Variants in GEMIN5 observed in about 807,000 individuals in gnomAD.
GEMIN5 encodes the protein gem nuclear organelle associated protein 5, also known as gem-associated protein 5.
A neutral mutation model predicts 176.9 loss-of-function variants in GEMIN5; 124 were observed. The observed-to-expected ratio is 0.70, with a 90% CI of 0.61 to 0.81. GEMIN5 has a LOEUF of 0.81. GEMIN5 is among the 40% of genes least tolerant of loss of function. GEMIN5 has a pLI of 0.00. For missense variants in GEMIN5, 1,843 were observed against 1,814.6 expected, an observed-to-expected ratio of 1.02 and a Z score of -0.28; for synonymous variants, 673 against 665.2, an observed-to-expected ratio of 1.01 and a Z score of -0.18.
At chr5:154,904,305 T>C (rs1227700542) in intron 18 of GEMIN5, among the ~76,000 whole-genome samples, 2 of 152,132 alleles carry the variant, frequency 1.3e-5, no homozygotes, top group Admixed American at 6.5e-5. Context: ...GCCATGGCAG[T>C]GCTGACGGTG....
chr5:154,928,395 C>G lies in GEMIN5; in HGVS notation c.914+132G>C. Reference sequence around the variant, plus strand: ...GTTAGTAGATAGCACAGGCATTAGTCTCATAATTTTTCCATTTCAAATGGC... The same window carrying G: ...GTTAGTAGATAGCACAGGCATTAGTGTCATAATTTTTCCATTTCAAATGGC... On this transcript the variant is annotated intron_variant, in intron 6 of 27. Transcript: ENST00000285873. 4.0e-6 allele frequency: 3 copies of G among 755,402 alleles called. No individual in the cohort carries two copies. In the East Asian group the frequency reaches 7.3e-5, roughly 18 times the overall value. 46.8% of individuals were successfully genotyped at this position (755,402 alleles called of 1,614,324 possible).
At chr5:154,890,083 C>A (rs554875431) in intron 26 of GEMIN5, among the ~76,000 whole-genome samples, 2 of 152,340 alleles carry the variant, frequency 1.3e-5, no homozygotes, top group Non-Finnish European at 1.5e-5. Flanking sequence ...TACATTCCCA[C>A]CAATAGGCAC....
At chr5:154,921,572 T>C (rs562998842) in intron 9 of GEMIN5, 147 bp from the exon 10 acceptor site, 138 of 571,442 alleles carry the variant, frequency 2.4e-4, no homozygotes, top group African/African-American at 2.4e-3. Flanking sequence ...TTGCTCCAAA[T>C]AGTTGACTGT....
chr5:154,895,785 G>A (rs115094055), intron 24 of GEMIN5, among the ~76,000 whole-genome samples: 2,776 of 152,276 alleles, frequency 0.018, 61 homozygotes, highest in African/African-American at 0.062. Flanking sequence ...GCTCTTAGGA[G>A]TCTGAGGCGG....
At chr5:154,899,735 C>CT (rs757851584) in intron 21 of GEMIN5, among the ~76,000 whole-genome samples, 4 of 152,056 alleles carry the variant, frequency 2.6e-5, no homozygotes, top group Non-Finnish European at 4.4e-5. Context: ...GAAGAATGCC[C>CT]TTAATGAAGC....
Position 154,919,970 on chromosome 5 carries a change from G to C in GEMIN5, c.1596C>G (p.Ile532Met), listed in dbSNP as rs766330303. ...INKLIRDTNSIKYKLPVHTEI... is the reference protein window; with the variant it reads ...INKLIRDTNSMKYKLPVHTEI... ...CTTCAGGACCACAAGAACTCACTTT[G>C]ATTGAATTGGTGTCCCTGATGAGTT... The change falls in exon 11 of 28, where the codon ATC (isoleucine) becomes ATG (methionine). Residue 532 changes from isoleucine to methionine, a missense_variant. Ile to Met is a conservative substitution (Grantham distance 10). Transcript: ENST00000285873. 22 of 1,612,764 alleles carry C rather than the reference G, an allele frequency of 1.4e-5. No homozygotes were observed. Among genetic ancestry groups the C allele is most frequent in the Admixed American group, 1.2e-4 (7 of 59,794 alleles).
At chr5:154,927,999 A>G (rs984864757) in intron 6 of GEMIN5, among the ~76,000 whole-genome samples, 1 of 152,194 alleles carries the variant, frequency 6.6e-6, no homozygotes, top group African/African-American at 2.4e-5. Context: ...TCAAAAAAAA[A>G]AAAAAATTTA....
rs774410044 is a variant in GEMIN5, at chr5:154,928,561, T to C, written c.880A>G (p.Asn294Asp). 1.1e-5 allele frequency: 17 copies of C among 1,613,996 alleles called. No individual in the cohort carries two copies. Among genetic ancestry groups the C allele is most frequent in the Middle Eastern group, 3.3e-4 (2 of 6,084 alleles). Residue 294 changes from asparagine (N) to aspartate (D), a missense_variant, in exon 6 of 28, where the codon AAT becomes GAT. By Grantham distance (23) the Asn-to-Asp change is conservative. Transcript: ENST00000285873. The part of the protein sequence containing the change: ...RLWLTLHWPS[N>D]QPTQLVSSCF... ...CTAGATACCAGCTGTGTTGGTTGAT[T>C]GCTGGGCCAATGGAGTGTCAACCAA...
intron 16 of GEMIN5, among the ~76,000 whole-genome samples, chr5:154,906,780 T>C (rs1437583727): frequency 1.3e-5 from 2 of 152,224 alleles, no homozygotes; most frequent in African/African-American, 4.8e-5. Flanking sequence ...CTAACAGCTA[T>C]CCCTTGGGAT....
At chr5:154,936,837 C>T (rs1326667557) in intron 2 of GEMIN5, among the ~76,000 whole-genome samples, 188 bp downstream of exon 2, 1 of 152,218 alleles carries the variant, frequency 6.6e-6, no homozygotes, top group African/African-American at 2.4e-5. Flanking sequence ...AGCAGTTTGC[C>T]AACCTCTGGT....
At chr5:154,924,632 A>G (rs1178252683) in intron 8 of GEMIN5, 78 bp from the exon 9 acceptor site, 1 of 835,730 alleles carries the variant, frequency 1.2e-6, no homozygotes, top group Admixed American at 2.2e-5. Context: ...TTACCCTTTA[A>G]GCATCCAAAG....
intron 11 of GEMIN5, among the ~76,000 whole-genome samples, chr5:154,919,517 A>C (rs912102375): frequency 1.3e-5 from 2 of 152,208 alleles, no homozygotes; most frequent in Non-Finnish European, 2.9e-5. Context: ...GAATCATTTT[A>C]CTAGAAAATT....
chr5:154,899,123 T>C (rs1169843983), intron 22 of GEMIN5, 68 bp downstream of exon 22: 3 of 1,483,496 alleles, frequency 2.0e-6, no homozygotes, highest in South Asian at 2.6e-5. Flanking sequence ...ATTACTTGTA[T>C]TCTTGTCCTC....
Position 154,931,445 on chromosome 5 carries a change from A to G in GEMIN5, c.781+13T>C. 6.3e-7 allele frequency: 1 copy of G among 1,596,474 alleles called. No homozygotes were observed. ...CAACATAGGTTACATCACAAAAGAA[A>G]GATCAATCTTACCTCGGCCTCTAGA... On this transcript the variant is annotated intron_variant, in intron 5 of 27. Coordinates refer to ENST00000285873, the MANE Select transcript of GEMIN5 (RefSeq NM_015465.5).
At chr5:154,927,639 A>G (rs1329283125) in intron 6 of GEMIN5, 89 bp from the exon 7 acceptor site, 7 of 959,518 alleles carry the variant, frequency 7.3e-6, no homozygotes, top group Non-Finnish European at 1.1e-5. Context: ...CATAGCTGCA[A>G]AATGATTTGT....
At chr5:154,909,623 C>G (rs760975851) in intron 15 of GEMIN5, among the ~76,000 whole-genome samples, 3 of 152,062 alleles carry the variant, frequency 2.0e-5, no homozygotes, top group African/African-American at 4.8e-5. Context: ...AGATATACCC[C>G]CTGCTTGAGC....
At chr5:154,929,367 T>C (rs779612422) in intron 5 of GEMIN5, among the ~76,000 whole-genome samples, 4 of 152,230 alleles carry the variant, frequency 2.6e-5, no homozygotes, top group Admixed American at 6.5e-5. Context: ...TTGGGATTAC[T>C]ATTTCTAGTC....
At chr5:154,903,313 C>G (rs554064979) in intron 18 of GEMIN5, 138 bp from the exon 19 acceptor site, 5 of 620,922 alleles carry the variant, frequency 8.1e-6, no homozygotes, top group Non-Finnish European at 1.4e-5. Context: ...GAGACTCCTG[C>G]AGTTACAAAG....
chr5:154,893,571 G>A (rs1251921222), intron 24 of GEMIN5, among the ~76,000 whole-genome samples: 2 of 152,220 alleles, frequency 1.3e-5, no homozygotes, highest in South Asian at 2.1e-4. Flanking sequence ...TTCATCAACT[G>A]AAGATATGCC....
Sources: allele counts gnomAD v4.1 joint callset (sites outside exome capture counted in the v4.1 genomes callset), GRCh38; gene constraint gnomAD v4.1.1; transcripts MANE v1.5; gene names NCBI Gene and HGNC (gene_info 2026-07-23, HGNC 2026-07-21).